SYT16: variants seen among roughly 807,000 people sequenced by gnomAD.
SYT16 encodes the protein synaptotagmin 16.
A neutral mutation model predicts 61.4 loss-of-function variants in SYT16; 42 were observed. The ratio of observed to expected loss-of-function variants is 0.68; its 90% CI spans 0.53 to 0.89. The LOEUF (loss-of-function observed/expected upper bound fraction) is 0.89. SYT16 is among the 40% of genes least tolerant of loss of function. SYT16 has a pLI of 0.00. For synonymous variants in SYT16, 314 were observed against 302.3 expected, an observed-to-expected ratio of 1.04 and a Z score of -0.40; for missense variants, 804 against 807.3, an observed-to-expected ratio of 1.00 and a Z score of 0.05.
At chr14:61,963,413 A>G (rs533918992) in intron 1 of SYT16, among the ~76,000 whole-genome samples, 1 of 152,332 alleles carries the variant, frequency 6.6e-6, no homozygotes, top group South Asian at 2.1e-4. Context: ...TATTGCTGAT[A>G]TGGAGAAGGT....
At chr14:61,850,718 G>A (rs1323778662) in intron 1 of SYT16, among the ~76,000 whole-genome samples, 1 of 152,098 alleles carries the variant, frequency 6.6e-6, no homozygotes, top group Non-Finnish European at 1.5e-5. Context: ...GAAAATGCCT[G>A]TAATCTTTCT....
At chr14:61,830,545 C>T (rs1024251795) in intron 1 of SYT16, among the ~76,000 whole-genome samples, 7 of 152,132 alleles carry the variant, frequency 4.6e-5, no homozygotes, top group African/African-American at 9.7e-5. Context: ...ATGTTGACTC[C>T]GGTTGATTTC....
intron 1 of SYT16, among the ~76,000 whole-genome samples, chr14:61,902,684 A>G (rs923764716): frequency 6.6e-6 from 1 of 152,222 alleles, no homozygotes; most frequent in Non-Finnish European, 1.5e-5. Context: ...TGATAAAGAC[A>G]TATCCAAGAT....
chr14:61,988,531 C>T (rs1459818813), intron 2 of SYT16, among the ~76,000 whole-genome samples: 1 of 152,128 alleles, frequency 6.6e-6, no homozygotes, highest in Non-Finnish European at 1.5e-5. Context: ...TGTTATAAAC[C>T]TTGAGCAATG....
At chr14:61,967,620 T>C (rs1358915993) in intron 1 of SYT16, among the ~76,000 whole-genome samples, 1 of 152,132 alleles carries the variant, frequency 6.6e-6, no homozygotes, top group Admixed American at 6.5e-5. Context: ...CCATGCCTTC[T>C]TTTTTTGCTG....
chr14:61,996,381 C>G lies in SYT16; in HGVS notation c.362C>G (p.Ser121Cys). Residue 121 changes from serine (S) to cysteine (C), a missense_variant, in exon 3 of 8, where the codon TCC (serine) becomes TGC (cysteine). By Grantham distance (112) the Ser-to-Cys change is moderately radical. Coordinates refer to ENST00000683842, the MANE Select transcript of SYT16 (RefSeq NM_001367656.1). ...QHAKDSCSTMSQWPNWASDDR... is the reference protein window; with the variant it reads ...QHAKDSCSTMCQWPNWASDDR... ...GCAAAGGACTCATGTTCCACAATGT[C>G]CCAGTGGCCCAATTGGGCCAGTGAT... The G allele has an allele frequency of 6.2e-7, 1 of 1,613,554 alleles. No homozygotes were observed. Among genetic ancestry groups the G allele is most frequent in the Non-Finnish European group, 8.5e-7 (1 of 1,179,606 alleles).
At chr14:61,863,596 A>G (rs1300439939) in intron 1 of SYT16, among the ~76,000 whole-genome samples, 1 of 152,192 alleles carries the variant, frequency 6.6e-6, no homozygotes, top group Non-Finnish European at 1.5e-5. Context: ...TCTTTCACAG[A>G]GCGGAAAGAT....
chr14:62,074,855 G>C (rs2140955058), intron 4 of SYT16, among the ~76,000 whole-genome samples: 1 of 152,288 alleles, frequency 6.6e-6, no homozygotes, highest in East Asian at 1.9e-4. Context: ...CCAGCAAAAT[G>C]CTGTGTCGAT....
In SYT16 at chr14:62,101,502, C is replaced by T. The variant is rs1424182175; in HGVS notation, c.*795C>T. ...AATAAGAAAACAAAAAACAAGACTA[C>T]TGCAGTCATAGATTTATTGATTTTT... On this transcript the variant is annotated 3_prime_UTR_variant, in exon 8 of 8. Transcript: ENST00000683842. The T allele has an allele frequency of 6.6e-6, 1 of 152,080 alleles. No homozygotes were observed. The highest frequency in any genetic ancestry group is 1.5e-5 in the Non-Finnish European group (1 of 68,010). 9.4% of individuals were successfully genotyped at this position (152,080 alleles called of 1,614,324 possible).
At chr14:61,987,649 T>A (rs1427762195) in intron 2 of SYT16, among the ~76,000 whole-genome samples, 1 of 152,102 alleles carries the variant, frequency 6.6e-6, no homozygotes, top group African/African-American at 2.4e-5. Context: ...TATAACCCGA[T>A]GATAACTGTG....
intron 2 of SYT16, among the ~76,000 whole-genome samples, chr14:61,982,734 T>C (rs921209602): frequency 6.6e-6 from 1 of 152,172 alleles, no homozygotes; most frequent in Non-Finnish European, 1.5e-5. Flanking sequence ...TTTTGAAGGA[T>C]TTTTGACGTA....
intron 1 of SYT16, among the ~76,000 whole-genome samples, chr14:61,875,823 G>C (rs1160418489): frequency 6.6e-6 from 1 of 152,200 alleles, no homozygotes; most frequent in Admixed American, 6.5e-5. Flanking sequence ...GGAACACTGG[G>C]TGATCTCTGT....
intron 1 of SYT16, among the ~76,000 whole-genome samples, chr14:61,885,872 C>T (rs762907341): frequency 2.6e-5 from 4 of 152,016 alleles, no homozygotes; most frequent in Non-Finnish European, 5.9e-5. Flanking sequence ...CTTCAGTGAG[C>T]CATAATCTTT....
At chr14:61,832,438 TG>T (rs2045970289) in intron 1 of SYT16, 1 of 439,644 alleles carries the variant, frequency 2.3e-6, no homozygotes, top group Non-Finnish European at 4.5e-6. Context: ...AGTTCTTTTT[TG>T]TTTTTTTCTT....
intron 4 of SYT16, among the ~76,000 whole-genome samples, 192 bp from the exon 5 acceptor site, chr14:62,074,943 G>A (rs2098330348): frequency 6.6e-6 from 1 of 152,126 alleles, no homozygotes; most frequent in Non-Finnish European, 1.5e-5. Context: ...GCCACATAAT[G>A]AGATAATGTT....
intron 1 of SYT16, among the ~76,000 whole-genome samples, chr14:61,911,448 G>A (rs1453926755): frequency 6.6e-6 from 1 of 152,204 alleles, no homozygotes; most frequent in Non-Finnish European, 1.5e-5. Context: ...AGCAGGTGCT[G>A]TCCCAAGCCC....
chr14:61,837,519 G>A (rs551321763), intron 1 of SYT16, among the ~76,000 whole-genome samples: 13 of 152,250 alleles, frequency 8.5e-5, no homozygotes, highest in Admixed American at 2.6e-4. Context: ...GATTACAGGC[G>A]TGAGCTGCCG....
At chr14:61,970,819 AT>A (rs2051518260) in intron 2 of SYT16, among the ~76,000 whole-genome samples, 1 of 152,220 alleles carries the variant, frequency 6.6e-6, no homozygotes, top group Non-Finnish European at 1.5e-5. Context: ...TCTATTTTCA[AT>A]TACTGAAGCC....
Position 62,047,913 on chromosome 14 carries a change from C to G in SYT16, c.524-21690C>G, listed in dbSNP as rs532362456. Among the ~76,000 whole-genome samples, 532 of 152,352 alleles carry G rather than the reference C, an allele frequency of 3.5e-3. 3 individuals carry two copies. Among genetic ancestry groups the G allele is most frequent in the Non-Finnish European group, 6.0e-3 (406 of 68,038 alleles). On this transcript the variant is annotated intron_variant, in intron 3 of 7. Transcript: ENST00000683842. ...TGAGGATTTTTGCATCAACGTTCAT[C>G]AAGGATATTCGTCTAAAATTCTCTT...
Sources: allele counts gnomAD v4.1 joint callset (sites outside exome capture counted in the v4.1 genomes callset), GRCh38; gene constraint gnomAD v4.1.1; transcripts MANE v1.5; gene names NCBI Gene and HGNC (gene_info 2026-07-23, HGNC 2026-07-21).